Variants in DPP6 observed in about 807,000 individuals in gnomAD.
DPP6 encodes A-type potassium channel modulatory protein DPP6.
Under a neutral mutation model 122.6 loss-of-function variants are expected in DPP6, and 69 were observed. The observed-to-expected ratio is 0.56, with a 90% CI of 0.46 to 0.69. DPP6 has a LOEUF of 0.69. Among genes scored for constraint, DPP6 ranks in the 30% least tolerant of loss-of-function variants. The probability of loss-of-function intolerance (pLI) is 0.00; values close to 1 mark genes in which losing one functional copy is unlikely to be tolerated. For missense variants in DPP6, 928 were observed against 1,116.9 expected (o/e 0.83, Z 2.41); for synonymous variants, 418 against 433.1 (o/e 0.97, Z 0.43).
intron 1 of DPP6, among the ~76,000 whole-genome samples, chr7:154,204,684 A>G (rs1799343857): frequency 6.6e-6 from 1 of 152,000 alleles, no homozygotes; most frequent in East Asian, 1.9e-4. Flanking sequence ...AAGTAGGGGG[A>G]AAGTGTATTT....
intron 1 of DPP6, among the ~76,000 whole-genome samples, chr7:153,984,387 C>G (rs1217856342): frequency 6.6e-6 from 1 of 152,158 alleles, no homozygotes; most frequent in Non-Finnish European, 1.5e-5. Flanking sequence ...GTACACAAGA[C>G]AATATTACCA....
At chr7:154,385,009 C>G (rs1195031918) in intron 1 of DPP6, among the ~76,000 whole-genome samples, 1 of 152,114 alleles carries the variant, frequency 6.6e-6, no homozygotes, top group Non-Finnish European at 1.5e-5. Context: ...GAGTCTCGCT[C>G]TGTCGCCCAG....
At chr7:153,770,006 G>C in the DPP6 span, among the ~76,000 whole-genome samples, 1 of 152,098 alleles carries the variant, frequency 6.6e-6, no homozygotes, top group African/African-American at 2.4e-5. Flanking sequence ...CTTTTTCTTT[G>C]TGAATCCAGG....
intron 1 of DPP6, among the ~76,000 whole-genome samples, chr7:154,060,307 C>T (rs1801554981): frequency 7.4e-6 from 1 of 135,468 alleles, no homozygotes; most frequent in African/African-American, 2.7e-5. Flanking sequence ...CCCCCCCTGG[C>T]TCTTAGGACC....
At chr7:154,007,488 G>A in intron 1 of DPP6, among the ~76,000 whole-genome samples, 1 of 152,042 alleles carries the variant, frequency 6.6e-6, no homozygotes, top group Non-Finnish European at 1.5e-5. Flanking sequence ...GAGCTGCCAG[G>A]CAAAATCACC....
At chr7:153,999,980 GAA>G (rs3980025) in intron 1 of DPP6, among the ~76,000 whole-genome samples, 3,562 of 143,070 alleles carry the variant, frequency 0.025, 62 homozygotes, top group Non-Finnish European at 0.035. Context: ...AAGAAAGAAA[GAA>G]AAAAAAAACT....
intron 1 of DPP6, among the ~76,000 whole-genome samples, chr7:154,220,667 G>A: frequency 6.6e-6 from 1 of 152,158 alleles, no homozygotes; most frequent in Non-Finnish European, 1.5e-5. Context: ...TTGGCACCTG[G>A]ATCTTGGAAT....
the DPP6 span, among the ~76,000 whole-genome samples, chr7:153,813,614 A>G: frequency 1.3e-5 from 2 of 152,064 alleles, no homozygotes; most frequent in African/African-American, 2.4e-5. Flanking sequence ...GACTTCCACA[A>G]GGGTTGAACT....
At chr7:154,470,595 A>G (rs759585456) in intron 2 of DPP6, among the ~76,000 whole-genome samples, 5 of 152,182 alleles carry the variant, frequency 3.3e-5, no homozygotes, top group South Asian at 4.1e-4. Context: ...CTATTTAACA[A>G]ATATCTGAGG....
At chr7:154,224,946 C>A (rs1473305661) in intron 1 of DPP6, among the ~76,000 whole-genome samples, 1 of 152,010 alleles carries the variant, frequency 6.6e-6, no homozygotes, top group African/African-American at 2.4e-5. Flanking sequence ...AGTTTGAGAC[C>A]AACCTGGCCA....
intron 1 of DPP6, among the ~76,000 whole-genome samples, chr7:153,913,504 G>C (rs1045496115): frequency 2.0e-5 from 3 of 152,154 alleles, no homozygotes; most frequent in Admixed American, 2.0e-4. Context: ...AAAATATGAT[G>C]ACTGACCTTA....
chr7:153,953,249 A>G (rs531743277), intron 1 of DPP6, among the ~76,000 whole-genome samples: 1 of 152,278 alleles, frequency 6.6e-6, no homozygotes, highest in South Asian at 2.1e-4. Context: ...TTTTATCCTC[A>G]ACACCACAAG....
intron 1 of DPP6, chr7:154,095,548 G>C (rs1805265485): frequency 7.3e-6 from 1 of 137,742 alleles, no homozygotes; most frequent in Non-Finnish European, 1.6e-5. Context: ...TTGAGTAATA[G>C]AGTAACAAGA....
At chr7:154,420,864 G>T (rs1817414266) in intron 1 of DPP6, among the ~76,000 whole-genome samples, 1 of 152,052 alleles carries the variant, frequency 6.6e-6, no homozygotes, top group Non-Finnish European at 1.5e-5. Flanking sequence ...TATGCAAAAT[G>T]AGTAAGTTCT....
intron 1 of DPP6, among the ~76,000 whole-genome samples, chr7:154,236,261 A>G (rs898027451): frequency 1.3e-5 from 2 of 152,232 alleles, no homozygotes; most frequent in South Asian, 4.1e-4. Flanking sequence ...TATACCTGGT[A>G]CATTTTAAAC....
At chr7:153,959,196 G>C (rs192051125) in intron 1 of DPP6, among the ~76,000 whole-genome samples, 1,531 of 151,946 alleles carry the variant, frequency 0.01, 18 homozygotes, top group Non-Finnish European at 0.016. Flanking sequence ...AAATAGCAGG[G>C]AAGGCTGGGG....
intron 1 of DPP6, among the ~76,000 whole-genome samples, chr7:154,179,125 C>G (rs1275440627): frequency 6.6e-6 from 1 of 152,214 alleles, no homozygotes; most frequent in Non-Finnish European, 1.5e-5. Context: ...GGCTGTGGCT[C>G]TGCATAAACT....
At chr7:154,782,433 A>T (rs1797085126) in intron 10 of DPP6, among the ~76,000 whole-genome samples, 1 of 152,194 alleles carries the variant, frequency 6.6e-6, no homozygotes, top group African/African-American at 2.4e-5. Context: ...TATGTTAAAA[A>T]ATGATTCCAC....
intron 1 of DPP6, among the ~76,000 whole-genome samples, chr7:154,381,879 G>A (rs1813642508): frequency 6.6e-6 from 1 of 152,078 alleles, no homozygotes; most frequent in Non-Finnish European, 1.5e-5. Flanking sequence ...TTCAAAAACT[G>A]TGGAGGGACA....
Sources: allele counts gnomAD v4.1 joint callset (sites outside exome capture counted in the v4.1 genomes callset), GRCh38; gene constraint gnomAD v4.1.1; transcripts MANE v1.5; gene names NCBI Gene and HGNC (gene_info 2026-07-23, HGNC 2026-07-21).